The following MED12L variants were observed in gnomAD, a reference collection of about 807,000 sequenced individuals.
The protein encoded by MED12L is mediator complex subunit 12L.
A neutral mutation model predicts 281.3 loss-of-function variants in MED12L; 60 were observed. The ratio of observed to expected loss-of-function variants is 0.21; its 90% CI spans 0.17 to 0.26. The LOEUF is 0.26. Among genes scored for constraint, MED12L ranks in the 10% least tolerant of loss-of-function variants. The probability of loss-of-function intolerance (pLI) is 1.00; values close to 1 mark genes in which losing one functional copy is unlikely to be tolerated. For missense variants in MED12L, 2,146 were observed against 2,680.9 expected, an observed-to-expected ratio of 0.80 and a Z score of 4.41; for synonymous variants, 974 against 987.2, an observed-to-expected ratio of 0.99 and a Z score of 0.25.
chr3:151,153,204 G>A (rs987627879), intron 5 of MED12L, among the ~76,000 whole-genome samples: 1 of 152,118 alleles, frequency 6.6e-6, no homozygotes, highest in Admixed American at 6.6e-5. Context: ...ACCCCTTCCA[G>A]GTCAGCCTTC....
chr3:151,336,981 A>C (rs924927565), intron 16 of MED12L: 6 of 152,562 alleles, frequency 3.9e-5, no homozygotes, highest in African/African-American at 1.2e-4. Flanking sequence ...TTTTTCACTA[A>C]GGTAAAATGT....
chr3:151,097,406 A>G (rs941920625), intron 2 of MED12L, among the ~76,000 whole-genome samples: 2 of 152,198 alleles, frequency 1.3e-5, no homozygotes, highest in South Asian at 2.1e-4. Context: ...CAAATGACTG[A>G]GCACCTTGTA....
intron 16 of MED12L, among the ~76,000 whole-genome samples, chr3:151,335,316 A>G (rs1294804665): frequency 6.6e-6 from 1 of 152,194 alleles, no homozygotes. Context: ...TTCTACTCTC[A>G]TAAATATGTA....
chr3:151,151,106 G>C lies in MED12L; in HGVS notation c.557-5055G>C, dbSNP rs573229609. 1.7e-4 allele frequency among the ~76,000 whole-genome samples: 23 copies of C among 137,654 alleles called. No individual in the cohort carries two copies. In the South Asian group the frequency reaches 4.4e-3, roughly 26 times the overall value. 90.3% of individuals were successfully genotyped at this position (137,654 alleles called of 152,430 possible). On this transcript the variant is annotated intron_variant, in intron 5 of 44. Transcript: ENST00000687756. ...GGCTGGAGTGCAGTGGCGCCATCTG[G>C]GCTCACTGCAAGCTCCACGTCCCGG... is the stretch of plus-strand genomic sequence containing the variant.
chr3:151,411,236 A>AT (rs1716896958), intron 40 of MED12L, 42 bp from the exon 41 acceptor site: 7 of 1,557,132 alleles, frequency 4.5e-6, no homozygotes, highest in African/African-American at 1.4e-5. Flanking sequence ...AAGCTAGGTG[A>AT]TAAGTTGAAA....
chr3:151,159,114 G>A (rs1430597034), intron 7 of MED12L, among the ~76,000 whole-genome samples: 1 of 143,116 alleles, frequency 7.0e-6, no homozygotes, highest in East Asian at 2.1e-4. Context: ...ACAAATCTCT[G>A]TGAAAACAAA....
At chr3:151,192,309 G>A (rs1044143511) in intron 14 of MED12L, among the ~76,000 whole-genome samples, 1 of 152,150 alleles carries the variant, frequency 6.6e-6, no homozygotes, top group Non-Finnish European at 1.5e-5. Flanking sequence ...GTTTTAATCC[G>A]GATGTTTGTG....
chr3:151,428,078 G>C (rs1263452875), intron 43 of MED12L, among the ~76,000 whole-genome samples: 2 of 152,206 alleles, frequency 1.3e-5, no homozygotes, highest in African/African-American at 4.8e-5. Flanking sequence ...TAATATGCTT[G>C]ATTATGGAGT....
intron 16 of MED12L, chr3:151,338,324 T>TTTC: frequency 6.2e-7 from 1 of 1,614,132 alleles, no homozygotes; most frequent in Non-Finnish European, 8.5e-7. Flanking sequence ...GGAAAGAGCA[T>TTTC]TTCTTCACAT....
intron 16 of MED12L, among the ~76,000 whole-genome samples, chr3:151,346,095 C>T (rs1752503082): frequency 6.6e-6 from 1 of 152,292 alleles, no homozygotes; most frequent in Non-Finnish European, 1.5e-5. Flanking sequence ...GCCCAACTCC[C>T]TGAGCATATC....
At chr3:151,173,365 A>G (rs549317626) in intron 11 of MED12L, among the ~76,000 whole-genome samples, 1 of 152,270 alleles carries the variant, frequency 6.6e-6, no homozygotes, top group East Asian at 1.9e-4. Flanking sequence ...AGTACGTTCT[A>G]TTTCTTCTAC....
chr3:151,329,140 G>T (rs1750054757), intron 16 of MED12L: 2 of 662,022 alleles, frequency 3.0e-6, no homozygotes, highest in Non-Finnish European at 5.0e-6. Context: ...ACTTTCAATA[G>T]ATGTGTTGAA....
intron 16 of MED12L, among the ~76,000 whole-genome samples, chr3:151,332,245 G>T (rs534969401): frequency 6.6e-6 from 1 of 152,272 alleles, no homozygotes; most frequent in East Asian, 1.9e-4. Context: ...CCAAGGCCCA[G>T]TACCATATAA....
intron 43 of MED12L, among the ~76,000 whole-genome samples, chr3:151,428,537 A>G (rs1719113820): frequency 6.6e-6 from 1 of 152,208 alleles, no homozygotes; most frequent in African/African-American, 2.4e-5. Flanking sequence ...ATCAGTTGCT[A>G]CTGAGCACCT....
chr3:151,188,129 G>T (rs758694364), intron 12 of MED12L: 53 of 313,728 alleles, frequency 1.7e-4, no homozygotes, highest in Admixed American at 6.6e-4. Context: ...GAACGCGCCC[G>T]ATCTCGTCTG....
rs375945797 is a variant in MED12L at position 151,350,567 on chromosome 3, C to A, written c.2398+361C>A. 3.6e-3 allele frequency among the ~76,000 whole-genome samples: 540 copies of A among 151,988 alleles called. 24 individuals carry two copies. The South Asian group carries it at 0.11, about 31-fold the overall frequency. On this transcript the variant is annotated intron_variant, in intron 17 of 44. Coordinates refer to ENST00000687756, the MANE Select transcript of MED12L (RefSeq NM_001393769.1). ...GAAAACCTTTAGTCTGGAAGAGATC[C>A]ATTTCTCTGTTTCTTTACCATAATT...
chr3:151,208,232 G>A (rs1366365530), intron 16 of MED12L, among the ~76,000 whole-genome samples: 1 of 152,198 alleles, frequency 6.6e-6, no homozygotes, highest in Non-Finnish European at 1.5e-5. Flanking sequence ...TGAATTTGAT[G>A]TGGAGTTGAA....
At chr3:151,334,767 T>A (rs746347399) in intron 16 of MED12L, among the ~76,000 whole-genome samples, 1 of 152,204 alleles carries the variant, frequency 6.6e-6, no homozygotes, top group Non-Finnish European at 1.5e-5. Context: ...CCCAAAGTAC[T>A]GGGATTACAG....
At chr3:151,204,838 A>G (rs1002671193) in intron 16 of MED12L, among the ~76,000 whole-genome samples, 1 of 152,142 alleles carries the variant, frequency 6.6e-6, no homozygotes, top group African/African-American at 2.4e-5. Context: ...TTATATGTTT[A>G]CTTCCTCGGT....
Sources: allele counts gnomAD v4.1 joint callset (sites outside exome capture counted in the v4.1 genomes callset), GRCh38; gene constraint gnomAD v4.1.1; transcripts MANE v1.5; gene names NCBI Gene and HGNC (gene_info 2026-07-23, HGNC 2026-07-21).